The following GAB2 variants were observed in gnomAD, a reference collection of about 807,000 sequenced individuals.
GAB2 encodes the protein GRB2 associated binding protein 2.
Under a neutral mutation model 65.5 loss-of-function variants are expected in GAB2, and 26 were observed. The ratio of observed to expected loss-of-function variants is 0.40; its 90% CI spans 0.29 to 0.55. The LOEUF (loss-of-function observed/expected upper bound fraction) is 0.55, where lower values mean the gene tolerates loss of function less well. GAB2 is among the 20% of genes least tolerant of loss of function. The pLI is 0.53. For missense variants in GAB2, 884 were observed against 875.8 expected, an observed-to-expected ratio of 1.01 and a Z score of -0.12; for synonymous variants, 321 against 329.6, an observed-to-expected ratio of 0.97 and a Z score of 0.28.
intron 4 of GAB2, 60 bp downstream of exon 4, chr11:78,226,405 A>G (rs1282680659): frequency 3.5e-5 from 47 of 1,328,450 alleles, no homozygotes; most frequent in Admixed American, 6.7e-5. Flanking sequence ...CCATCAAACT[A>G]TTGAGAACCC....
chr11:78,271,931 A>G (rs776829732), intron 2 of GAB2, among the ~76,000 whole-genome samples: 1 of 152,208 alleles, frequency 6.6e-6, no homozygotes, highest in Non-Finnish European at 1.5e-5. Context: ...GTGATAGTGA[A>G]TAAGTCTCTT....
rs11237429 is a variant in GAB2, at chr11:78,250,429, A to G, written c.377-29T>C. On this transcript the variant is annotated intron_variant, in intron 2 of 9. Transcript: ENST00000361507. Reference sequence around the variant, plus strand: ...AAAAGGAGAAATAGCTCTGTGAATGAAAAAGGAAGGAAATGTATCCTTATC... The same window carrying G: ...AAAAGGAGAAATAGCTCTGTGAATGGAAAAGGAAGGAAATGTATCCTTATC... 5,792 of 1,603,300 alleles carry G rather than the reference A, an allele frequency of 3.6e-3. 193 individuals carry two copies. In the African/African-American group the frequency reaches 0.07, roughly 19 times the overall value.
intron 1 of GAB2, among the ~76,000 whole-genome samples, chr11:78,293,958 G>A (rs1431429123): frequency 6.6e-6 from 1 of 152,122 alleles, no homozygotes; most frequent in Non-Finnish European, 1.5e-5. Context: ...GGGTACATGT[G>A]CACAACGTGC....
chr11:78,255,977 G>A (rs535116586), intron 2 of GAB2, among the ~76,000 whole-genome samples: 2 of 152,286 alleles, frequency 1.3e-5, no homozygotes, highest in Non-Finnish European at 2.9e-5. Flanking sequence ...TATTTGACCT[G>A]GAGCAAATCA....
At chr11:78,338,328 A>G (rs1027077449) in intron 1 of GAB2, among the ~76,000 whole-genome samples, 4 of 152,186 alleles carry the variant, frequency 2.6e-5, no homozygotes, top group African/African-American at 9.7e-5. Flanking sequence ...AGACATAAGT[A>G]GAAATCTTTT....
chr11:78,228,947 T>A (rs995659533), intron 3 of GAB2, among the ~76,000 whole-genome samples: 2 of 152,244 alleles, frequency 1.3e-5, no homozygotes, highest in Non-Finnish European at 2.9e-5. Context: ...TGCTCCCATC[T>A]GGATTTGTTC....
At chr11:78,250,125 T>C in intron 3 of GAB2, 32 bp downstream of exon 3, 3 of 1,610,056 alleles carry the variant, frequency 1.9e-6, no homozygotes, top group Non-Finnish European at 1.7e-6. Flanking sequence ...GAGCGGTCAC[T>C]AACCCACCTA....
chr11:78,254,723 C>T (rs1865548317), intron 2 of GAB2, among the ~76,000 whole-genome samples: 1 of 151,558 alleles, frequency 6.6e-6, no homozygotes, highest in South Asian at 2.1e-4. Context: ...TGCTCCAACC[C>T]AAGAGATTGA....
At position 78,219,005 on chromosome 11, in the gene GAB2, GA is replaced by G. The variant is rs1314372364; in HGVS notation, c.*266del. 3.3e-4 allele frequency: 142 copies of G among 436,674 alleles called. 1 individual carries two copies. The highest frequency in any genetic ancestry group is 1.6e-5 in the Non-Finnish European group (4 of 242,836). The allele number at this position is 436,674 out of a possible 1,614,324, so 27.0% of individuals were successfully genotyped here. ...GGAAGAGGCTGAAGGATGCTTTTTG[GA>G]AGTAGCTCCTAACTAAGGTGGGTGG... On this transcript the variant is annotated 3_prime_UTR_variant, in exon 10 of 10. Coordinates refer to ENST00000361507, the MANE Select transcript of GAB2 (RefSeq NM_080491.3).
intron 3 of GAB2, among the ~76,000 whole-genome samples, chr11:78,236,710 CTATT>C (rs1864991660): frequency 6.6e-6 from 1 of 151,912 alleles, no homozygotes; most frequent in Non-Finnish European, 1.5e-5. Context: ...TCCTCTGCAT[CTATT>C]GAGGTTATGA....
chr11:78,405,647 T>A (rs920043836), intron 1 of GAB2, among the ~76,000 whole-genome samples: 7 of 152,214 alleles, frequency 4.6e-5, no homozygotes, highest in African/African-American at 1.7e-4. Flanking sequence ...TAAGTACAAC[T>A]AAAATCCTTA....
rs765262199 is a variant in GAB2, at chr11:78,250,188, G to T, written c.589C>A (p.Gln197Lys). 1 of 1,613,122 alleles carries T rather than the reference G, an allele frequency of 6.2e-7. No individual in the cohort carries two copies. Among genetic ancestry groups the T allele is most frequent in the Non-Finnish European group, 8.5e-7 (1 of 1,179,878 alleles). The part of the protein sequence containing the change: ...SAPQEYLYLH[Q>K]CISRRAENAR... ...TTTTCTGCTCTTCGGCTTATGCACT[G>T]GTGCAAGTAGAGATACTCCTGAGGT... The change falls in exon 3 of 10, where the codon CAG (glutamine) becomes AAG (lysine). Residue 197 changes from glutamine to lysine, a missense_variant. Coordinates refer to ENST00000361507, the MANE Select transcript of GAB2 (RefSeq NM_080491.3).
intron 1 of GAB2, among the ~76,000 whole-genome samples, chr11:78,308,200 C>T (rs937848209): frequency 6.6e-6 from 1 of 152,102 alleles, no homozygotes; most frequent in Non-Finnish European, 1.5e-5. Context: ...GTCTATTCTA[C>T]TTTGAGGAGG....
At chr11:78,312,401 G>A (rs1018492136) in intron 1 of GAB2, among the ~76,000 whole-genome samples, 1 of 152,088 alleles carries the variant, frequency 6.6e-6, no homozygotes, top group Non-Finnish European at 1.5e-5. Flanking sequence ...AACATCCTGT[G>A]AGTTGTTACT....
chr11:78,344,514 T>G lies in GAB2; in HGVS notation c.76-63613A>C, dbSNP rs115032460. 8.7e-3 allele frequency among the ~76,000 whole-genome samples: 1,330 copies of G among 152,368 alleles called. 19 individuals carry two copies. Among genetic ancestry groups the G allele is most frequent in the African/African-American group, 0.03 (1,263 of 41,588 alleles). ...TATTCTCTTTTAAATATTGCAGGCT[T>G]AATATCATCAAACTTTATTTTTGTC... On this transcript the variant is annotated intron_variant, in intron 1 of 9. Transcript: ENST00000361507.
chr11:78,415,019 C>T (rs1433834160), intron 1 of GAB2, among the ~76,000 whole-genome samples: 2 of 151,948 alleles, frequency 1.3e-5, no homozygotes, highest in Admixed American at 6.6e-5. Context: ...CTACAGATGC[C>T]CTCCATGACG....
Position 78,235,306 on chromosome 11 carries a change from C to T in GAB2, c.621-8255G>A, listed in dbSNP as rs564619945. On this transcript the variant is annotated intron_variant, in intron 3 of 9. Transcript: ENST00000361507. ...TAGCTGGGACTAAAGGCGCCCGTCA[C>T]CATGCCGGGCTAATTTTTTGTATTT... Among the ~76,000 whole-genome samples, 538 of 152,006 alleles carry T rather than the reference C, an allele frequency of 3.5e-3. 9 individuals carry two copies. Among genetic ancestry groups the T allele is most frequent in the Middle Eastern group, 0.02 (6 of 294 alleles).
chr11:78,380,242 T>C (rs1477757965), intron 1 of GAB2, among the ~76,000 whole-genome samples: 1 of 151,248 alleles, frequency 6.6e-6, no homozygotes, highest in Non-Finnish European at 1.5e-5. Flanking sequence ...GAAGTCTCGC[T>C]CTGTCGCCAG....
At chr11:78,223,360 A>C (rs1225011792) in intron 6 of GAB2, 52 bp downstream of exon 6, 2 of 1,415,888 alleles carry the variant, frequency 1.4e-6, no homozygotes, top group Non-Finnish European at 1.9e-6. Context: ...AGCAAATGGA[A>C]AGAGTCCCTA....
Sources: gnomAD v4.1 joint callset for allele counts (sites outside exome capture counted in the v4.1 genomes callset) on GRCh38, gnomAD v4.1.1 for gene constraint, MANE v1.5 for transcripts, NCBI Gene and HGNC (gene_info 2026-07-23, HGNC 2026-07-21) for gene names.